Variants in COLEC11 observed in about 807,000 individuals in gnomAD.
COLEC11 encodes the protein collectin-11.
COLEC11 carries 20 observed loss-of-function variants against 27.3 expected under a neutral mutation model. The observed-to-expected ratio is 0.73, with a 90% CI of 0.51 to 1.06. COLEC11 has a LOEUF of 1.06. Among genes scored for constraint, COLEC11 ranks in the 50% least tolerant of loss-of-function variants. The pLI, the probability that COLEC11 is intolerant of heterozygous loss-of-function variation, is 0.00. For missense variants in COLEC11, 310 were observed against 383.0 expected (o/e 0.81, Z 1.59); for synonymous variants, 163 against 154.7 (o/e 1.05, Z -0.40).
intron 5 of COLEC11, among the ~76,000 whole-genome samples, chr2:3,642,231 T>A (rs1339158329): frequency 6.6e-6 from 1 of 152,212 alleles, no homozygotes; most frequent in Non-Finnish European, 1.5e-5. Flanking sequence ...CCAGACTGTC[T>A]GCCTGGGCCC....
rs560654815 is a variant in COLEC11, at chr2:3,619,231, C to T, written c.202+5849C>T. Among the ~76,000 whole-genome samples, 5 of 151,354 alleles carry T rather than the reference C, an allele frequency of 3.3e-5. No individual in the cohort carries two copies. The East Asian group carries it at 9.7e-4, about 29-fold the overall frequency. ...CTCTCTTTCCTTTTCTTTCCTTTCC[C>T]CTTTCCTTTTCTCTCCTTTCCACTT... On this transcript the variant is annotated intron_variant, in intron 3 of 6. Transcript: ENST00000349077.
chr2:3,606,044 G>A, intron 2 of COLEC11: 1 of 1,545,238 alleles, frequency 6.5e-7, no homozygotes, highest in Non-Finnish European at 8.7e-7. Flanking sequence ...GGATGCCTAC[G>A]GCTCTCTCAG....
chr2:3,600,046 C>T (rs908579202), intron 1 of COLEC11, among the ~76,000 whole-genome samples: 1 of 151,670 alleles, frequency 6.6e-6, no homozygotes, highest in Non-Finnish European at 1.5e-5. Flanking sequence ...CCATTCTAGC[C>T]AACACGGTGA....
At chr2:3,604,195 G>A in intron 1 of COLEC11, 120 bp from the exon 2 acceptor site, 1 of 1,068,268 alleles carries the variant, frequency 9.4e-7, no homozygotes, top group Non-Finnish European at 1.4e-6. Flanking sequence ...CGCCATGGGG[G>A]CCCAGACAGC....
chr2:3,606,976 G>A (rs887581200), intron 2 of COLEC11, among the ~76,000 whole-genome samples: 12 of 152,210 alleles, frequency 7.9e-5, no homozygotes, highest in Non-Finnish European at 5.9e-5. Context: ...CAGGCTCAGG[G>A]CTGGGATGAA....
chr2:3,627,332 C>T (rs13011592), intron 3 of COLEC11, among the ~76,000 whole-genome samples: 71,527 of 131,862 alleles, frequency 0.54, 19,797 homozygotes, highest in South Asian at 0.67. Context: ...GGGGGCATGA[C>T]GATGGGGTGG....
chr2:3,615,656 A>G (rs924670502), intron 3 of COLEC11, among the ~76,000 whole-genome samples: 7 of 152,104 alleles, frequency 4.6e-5, no homozygotes, highest in African/African-American at 1.4e-4. Flanking sequence ...TGTGGGGTAC[A>G]CCTCCCAGAC....
At chr2:3,641,442 G>A (rs1048835181) in intron 5 of COLEC11, 79 of 1,276,858 alleles carry the variant, frequency 6.2e-5, no homozygotes, top group Non-Finnish European at 4.5e-5. Flanking sequence ...GGCAGGTGAC[G>A]GCGGGGCAAG....
chr2:3,643,291 T>G (rs1302207670), intron 5 of COLEC11, among the ~76,000 whole-genome samples, 153 bp from the exon 6 acceptor site: 1 of 152,170 alleles, frequency 6.6e-6, no homozygotes. Flanking sequence ...CCCCCTGCCT[T>G]TAGGATGAAG....
At chr2:3,638,704 C>A (rs879445474) in intron 4 of COLEC11, among the ~76,000 whole-genome samples, 21 of 152,188 alleles carry the variant, frequency 1.4e-4, no homozygotes, top group Non-Finnish European at 2.8e-4. Flanking sequence ...CCCTGGAAAA[C>A]CCGTGAGAGG....
intron 3 of COLEC11, among the ~76,000 whole-genome samples, chr2:3,631,499 T>TC: frequency 6.6e-6 from 1 of 152,102 alleles, no homozygotes; most frequent in African/African-American, 2.4e-5. Flanking sequence ...GCTTGGCCCT[T>TC]CCCCCAAAGG....
At chr2:3,621,115 G>A (rs1391447550) in intron 3 of COLEC11, among the ~76,000 whole-genome samples, 2 of 152,198 alleles carry the variant, frequency 1.3e-5, no homozygotes, top group East Asian at 3.8e-4. Context: ...ATTGTTGAAA[G>A]TGAGGTATTG....
At chr2:3,623,044 A>C (rs1664290506) in intron 3 of COLEC11, among the ~76,000 whole-genome samples, 1 of 152,138 alleles carries the variant, frequency 6.6e-6, no homozygotes, top group Admixed American at 6.5e-5. Flanking sequence ...TTATTTTTGA[A>C]GGATGGCTTT....
chr2:3,636,299 ACAAAAATTAGCCTGGCGT>A (rs1665410996), intron 3 of COLEC11, among the ~76,000 whole-genome samples: 1 of 152,226 alleles, frequency 6.6e-6, no homozygotes. Context: ...TGCTAAAAAT[ACAAAAATTAGCCTGGCGT>A]GGTGGCGGAT....
chr2:3,617,277 G>C (rs13426244), intron 3 of COLEC11, among the ~76,000 whole-genome samples: 1 of 152,122 alleles, frequency 6.6e-6, no homozygotes, highest in Admixed American at 6.5e-5. Flanking sequence ...CCTTGGGCCA[G>C]CTTGGTTTTA....
chr2:3,618,694 AT>A (rs991000418), intron 3 of COLEC11, among the ~76,000 whole-genome samples: 3 of 151,490 alleles, frequency 2.0e-5, no homozygotes, highest in Non-Finnish European at 2.9e-5. Flanking sequence ...GAATTTTAGG[AT>A]TTTTTTTTCC....
intron 2 of COLEC11, among the ~76,000 whole-genome samples, chr2:3,607,641 G>C (rs980465270): frequency 2.0e-5 from 3 of 151,902 alleles, no homozygotes; most frequent in African/African-American, 7.3e-5. Flanking sequence ...TAGAGACGGG[G>C]TTTCACCATG....
intron 3 of COLEC11, among the ~76,000 whole-genome samples, chr2:3,616,674 A>C (rs904401121): frequency 6.6e-6 from 1 of 152,226 alleles, no homozygotes; most frequent in Non-Finnish European, 1.5e-5. Flanking sequence ...CAGGAGAACC[A>C]GGCAGGGAGG....
intron 3 of COLEC11, chr2:3,617,790 C>CTG (rs1349227059): frequency 4.8e-6 from 4 of 836,894 alleles, no homozygotes; most frequent in Non-Finnish European, 6.0e-6. Context: ...AGCCTCTGTA[C>CTG]TGTTTTCCAT....
Sources: gnomAD v4.1 joint callset for allele counts (sites outside exome capture counted in the v4.1 genomes callset) on GRCh38, gnomAD v4.1.1 for gene constraint, MANE v1.5 for transcripts, NCBI Gene and HGNC (gene_info 2026-07-23, HGNC 2026-07-21) for gene names.